EP300: variants seen among roughly 807,000 people sequenced by gnomAD.
EP300 encodes histone acetyltransferase p300.
A neutral mutation model predicts 264.0 loss-of-function variants in EP300; 31 were observed. The ratio of observed to expected loss-of-function variants is 0.12; its 90% confidence interval spans 0.09 to 0.16. EP300 has a LOEUF of 0.16. Among genes scored for constraint, EP300 ranks in the 10% least tolerant of loss-of-function variants. The pLI, the probability that EP300 is intolerant of heterozygous loss-of-function variation, is 1.00. For missense variants in EP300, 2,766 were observed against 3,052.9 expected, an observed-to-expected ratio of 0.91 and a Z score of 2.21; for synonymous variants, 1,340 against 1,045.4, an observed-to-expected ratio of 1.28 and a Z score of -5.44.
rs138881407 is a variant in EP300 at position 41,108,590 on chromosome 22, C to T, written c.95-8597C>T. On this transcript the variant is annotated intron_variant, in intron 1 of 30. Transcript: ENST00000263253. ...CATCAGATTTATATGTGTCCTGTCCCGTTTTACTTCACCATGATTGGACTC... is the reference window on the plus strand; with the variant it reads ...CATCAGATTTATATGTGTCCTGTCCTGTTTTACTTCACCATGATTGGACTC... Among the ~76,000 whole-genome samples, 453 of 152,126 alleles carry T rather than the reference C, an allele frequency of 3.0e-3. 1 individual carries two copies. The highest frequency in any genetic ancestry group is 0.011 in the African/African-American group (440 of 41,480).
At chr22:41,119,044 C>A (rs568984462) in intron 2 of EP300, among the ~76,000 whole-genome samples, 1 of 149,402 alleles carries the variant, frequency 6.7e-6, no homozygotes, top group Admixed American at 6.7e-5. Context: ...ACTCTGTCAC[C>A]CAGGCTGGAG....
At chr22:41,125,797 C>A in intron 2 of EP300, 67 bp from the exon 3 acceptor site, 1 of 1,516,416 alleles carries the variant, frequency 6.6e-7, no homozygotes, top group Non-Finnish European at 9.1e-7. Context: ...GAAGTGAAAT[C>A]AGAAAAGGAA....
intron 10 of EP300, among the ~76,000 whole-genome samples, chr22:41,142,641 T>C (rs2058989423): frequency 6.6e-6 from 1 of 152,114 alleles, no homozygotes; most frequent in African/African-American, 2.4e-5. Flanking sequence ...CTCCCAGCAC[T>C]TTGGGAGGCC....
chr22:41,152,415 C>T (rs949360594), intron 16 of EP300, 65 bp downstream of exon 16: 12 of 1,557,998 alleles, frequency 7.7e-6, no homozygotes, highest in South Asian at 4.7e-5. Context: ...GGCAGAATTG[C>T]GGTCATGCCT....
Position 41,135,880 on chromosome 22 carries a change from G to A in EP300, c.1596G>A (p.Met532Ile). 2 of 1,614,006 alleles carry A rather than the reference G, an allele frequency of 1.2e-6. No individual in the cohort carries two copies. Among genetic ancestry groups the A allele is most frequent in the South Asian group, 1.1e-5 (1 of 91,082 alleles). Residue 532 changes from methionine to isoleucine, a missense_variant, in exon 7 of 31, where the codon ATG (methionine) becomes ATA (isoleucine). Transcript: ENST00000263253. ...CGCCGAGTCTTCTTTCTGACTCAAT[G>A]TTGCATTCAGCCATAAATTCTCAAA... ...VQTPSLLSDSMLHSAINSQNP... is the reference protein window; with the variant it reads ...VQTPSLLSDSILHSAINSQNP...
rs2145665664 is a variant in EP300, at chr22:41,093,064, T to A, written c.60T>A (p.Ser20=). 2 of 1,614,066 alleles carry A rather than the reference T, an allele frequency of 1.2e-6. No homozygotes were observed. Among genetic ancestry groups the A allele is most frequent in the Non-Finnish European group, 1.7e-6 (2 of 1,179,998 alleles). ...CAGCCAAGCGGCCTAAACTCTCATC[T>A]CCGGCCCTCTCGGCGTCCGCCAGCG... The part of the protein sequence containing the change: ...PPSAKRPKLS[S]PALSASASDG... The change falls in exon 1 of 31, where the codon TCT becomes TCA. Residue 20 remains serine (S), a synonymous_variant. Coordinates refer to ENST00000263253, the MANE Select transcript of EP300 (RefSeq NM_001429.4).
rs2058681613 is a variant in EP300 at position 41,092,958 on chromosome 22, C to T, written c.-47C>T. 1.2e-6 allele frequency: 2 copies of T among 1,608,592 alleles called. No homozygotes were observed. The highest frequency in any genetic ancestry group is 8.5e-7 in the Non-Finnish European group (1 of 1,175,198). ...GGACCCCGGGCCGAAGAAGAGATTT[C>T]CTGAGGATTCTGGTTTTCCTCGCTT... On this transcript the variant is annotated 5_prime_UTR_variant, in exon 1 of 31. Coordinates refer to ENST00000263253, the MANE Select transcript of EP300 (RefSeq NM_001429.4).
Position 41,176,231 on chromosome 22 carries a change from ACTGT to A in EP300, c.4780-11_4780-8del, listed in dbSNP as rs748277415. 9.7e-5 allele frequency: 156 copies of A among 1,613,948 alleles called. 1 individual carries two copies. Among genetic ancestry groups the A allele is most frequent in the Middle Eastern group, 6.6e-4 (4 of 6,062 alleles). ...CGAGGCCCTGTCTCAAAAAAAAGAG[ACTGT>A]CTGTTTTTCAGGTCTTCTTTGTGAT... On this transcript the variant is annotated splice_polypyrimidine_tract_variant and intron_variant, in intron 29 of 30. Transcript: ENST00000263253.
chr22:41,154,810 C>T (rs535134996), intron 16 of EP300, among the ~76,000 whole-genome samples, 185 bp from the exon 17 acceptor site: 1 of 152,272 alleles, frequency 6.6e-6, no homozygotes, highest in Non-Finnish European at 1.5e-5. Flanking sequence ...TAGGAGCTGT[C>T]TGAAACAAAG....
At chr22:41,115,639 T>A (rs1569089484) in intron 1 of EP300, among the ~76,000 whole-genome samples, 1 of 152,160 alleles carries the variant, frequency 6.6e-6, no homozygotes. Flanking sequence ...TGTGTTGACC[T>A]GGGCTGAAGA....
intron 29 of EP300, chr22:41,174,940 C>T (rs1048945890): frequency 2.0e-5 from 3 of 151,368 alleles, no homozygotes; most frequent in African/African-American, 7.3e-5. Context: ...CCCCACTGCT[C>T]CCCCCATCAC....
At chr22:41,150,296 C>A (rs1456364518) in intron 14 of EP300, 98 bp downstream of exon 14, 2 of 1,352,270 alleles carry the variant, frequency 1.5e-6, no homozygotes, top group African/African-American at 1.4e-5. Flanking sequence ...TTATCTCTTA[C>A]TGTTTTCTCC....
chr22:41,127,785 T>C, intron 4 of EP300, 37 bp downstream of exon 4: 1 of 1,613,212 alleles, frequency 6.2e-7, no homozygotes, highest in Middle Eastern at 1.8e-4. Context: ...CTTAGCAATT[T>C]TTACAGCCAG....
At chr22:41,166,093 A>T (rs1738596486) in intron 22 of EP300, among the ~76,000 whole-genome samples, 2 of 152,148 alleles carry the variant, frequency 1.3e-5, no homozygotes, top group Non-Finnish European at 2.9e-5. Flanking sequence ...CTGGTCATAG[A>T]CACTCATTTA....
At position 41,177,314 on chromosome 22, in the gene EP300, C is replaced by T. The variant is rs781609478; in HGVS notation, c.5603C>T (p.Thr1868Met). ...PTGQQPTTPQ[T>M]PQPTSQPQPT... Reference sequence around the variant, plus strand: ...GGCCAACAGCCAACCACCCCGCAGACGCCCCAGCCCACTTCTCAGCCTCAG... The same window carrying T: ...GGCCAACAGCCAACCACCCCGCAGATGCCCCAGCCCACTTCTCAGCCTCAG... Residue 1868 changes from threonine to methionine, a missense_variant, in exon 31 of 31, where the codon ACG (threonine) becomes ATG (methionine). Thr to Met is a moderately conservative substitution (Grantham distance 81). Transcript: ENST00000263253. 5.0e-5 allele frequency: 81 copies of T among 1,613,962 alleles called. No homozygotes were observed. In the South Asian group the frequency reaches 5.4e-4, roughly 11 times the overall value.
At chr22:41,162,650 C>A in intron 20 of EP300, 73 bp from the exon 21 acceptor site, 1 of 1,217,872 alleles carries the variant, frequency 8.2e-7, no homozygotes, top group East Asian at 2.3e-5. Flanking sequence ...GAAGTTTGTT[C>A]CTTTGGTTAG....
rs140187237 is a variant in EP300, at chr22:41,177,422, A to G, written c.5711A>G (p.Gln1904Arg). Reference protein sequence around the residue: ...GPVSQGKAAGQVTPPTPPQTA... With the variant: ...GPVSQGKAAGRVTPPTPPQTA... ...GTGTCCCAGGGTAAGGCAGCAGGCC[A>G]GGTGACCCCTCCAACCCCTCCTCAG... Residue 1904 changes from glutamine to arginine, a missense_variant, in exon 31 of 31, where the codon CAG becomes CGG. By Grantham distance (43) the Gln-to-Arg change is conservative (BLOSUM62 1). Transcript: ENST00000263253. The G allele has an allele frequency of 7.4e-6, 12 of 1,614,146 alleles. No homozygotes were observed. The highest frequency in any genetic ancestry group is 1.0e-5 in the Non-Finnish European group (12 of 1,180,038).
chr22:41,096,509 C>G lies in EP300; in HGVS notation c.94+3411C>G, dbSNP rs146309503. Among the ~76,000 whole-genome samples the G allele has an allele frequency of 4.0e-5, 6 of 151,250 alleles. No individual in the cohort carries two copies. The East Asian group carries it at 1.2e-3, about 29-fold the overall frequency. ...TGTTTTTTGAGTTTTTCCCCCATTT[C>G]AAAGACACAGGGCAGATAGTGTGTA... On this transcript the variant is annotated intron_variant, in intron 1 of 30. Transcript: ENST00000263253.
rs768318851 is a variant in EP300, at chr22:41,173,664, T to C, written c.4659T>C (p.Asn1553=). ...GDSKNAKKKN[N]KKTSKNKSSL... Reference sequence around the variant, plus strand: ...GCAAAAATGCTAAAAAGAAGAATAATAAGAAAACCAGCAAAAATAAGAGCA... The same window carrying C: ...GCAAAAATGCTAAAAAGAAGAATAACAAGAAAACCAGCAAAAATAAGAGCA... Residue 1553 remains asparagine (N), a synonymous_variant, in exon 29 of 31, where the codon AAT becomes AAC. Transcript: ENST00000263253. The C allele has an allele frequency of 3.1e-6, 5 of 1,613,920 alleles. No individual in the cohort carries two copies. Among genetic ancestry groups the C allele is most frequent in the African/African-American group, 2.7e-5 (2 of 74,888 alleles).
Sources: gnomAD v4.1 joint callset for allele counts (sites outside exome capture counted in the v4.1 genomes callset) on GRCh38, gnomAD v4.1.1 for gene constraint, MANE v1.5 for transcripts, NCBI Gene and HGNC (gene_info 2026-07-23, HGNC 2026-07-21) for gene names.